KTN1: variants seen among roughly 807,000 people sequenced by gnomAD.
KTN1 encodes kinectin 1, also known as kinectin.
KTN1 carries 130 observed loss-of-function variants against 222.5 expected under a neutral mutation model. The ratio of observed to expected loss-of-function variants is 0.58; its 90% CI spans 0.51 to 0.68. The LOEUF is 0.68. KTN1 is among the 30% of genes least tolerant of loss of function. The probability of loss-of-function intolerance (pLI) is 0.00; values close to 1 mark genes in which losing one functional copy is unlikely to be tolerated. For missense variants in KTN1, 1,508 were observed against 1,500.4 expected (o/e 1.01, Z -0.08); for synonymous variants, 512 against 496.3 (o/e 1.03, Z -0.42).
intron 32 of KTN1, among the ~76,000 whole-genome samples, chr14:55,662,210 G>A (rs1331500336): frequency 1.3e-5 from 2 of 151,852 alleles, no homozygotes; most frequent in Non-Finnish European, 1.5e-5. Context: ...GGAACTACAG[G>A]CGTGCACCAC....
At chr14:55,669,350 A>T (rs2045222221) in intron 34 of KTN1, among the ~76,000 whole-genome samples, 1 of 152,102 alleles carries the variant, frequency 6.6e-6, no homozygotes, top group Non-Finnish European at 1.5e-5. Flanking sequence ...ACTTGTCAAA[A>T]GTTGAATATT....
intron 2 of KTN1, among the ~76,000 whole-genome samples, chr14:55,615,570 A>G (rs1594856463): frequency 7.7e-6 from 1 of 129,890 alleles, no homozygotes; most frequent in Non-Finnish European, 1.8e-5. Context: ...AAAATGCCAA[A>G]GAGTAGTCAA....
In KTN1 at chr14:55,671,865, G is replaced by T; in HGVS notation, c.3519G>T (p.Lys1173Asn). Residue 1173 changes from lysine to asparagine, a missense_variant, in exon 37 of 44, where the codon AAG (lysine) becomes AAT (asparagine). Physicochemically the swap from Lys to Asn is moderately conservative, Grantham distance 94. Coordinates refer to ENST00000395314, the MANE Select transcript of KTN1 (RefSeq NM_001079521.2). ...KWKVKVDESH[K>N]TIKQMQSSFT... Reference sequence around the variant, plus strand: ...AAGTTAAGGTCGATGAATCACACAAGACTATTAAACAGGTATTTACAAAAG... The same window carrying T: ...AAGTTAAGGTCGATGAATCACACAATACTATTAAACAGGTATTTACAAAAG... The T allele has an allele frequency of 6.3e-7, 1 of 1,581,006 alleles. No individual in the cohort carries two copies. The highest frequency in any genetic ancestry group is 1.1e-5 in the South Asian group (1 of 90,354).
intron 41 of KTN1, 112 bp from the exon 42 acceptor site, chr14:55,678,240 G>C: frequency 4.6e-6 from 3 of 649,438 alleles, no homozygotes; most frequent in South Asian, 4.4e-5. Flanking sequence ...GGAAAAACCT[G>C]TGTCGTCTTT....
chr14:55,584,522 A>G (rs576392884), intron 1 of KTN1, among the ~76,000 whole-genome samples: 1 of 152,332 alleles, frequency 6.6e-6, no homozygotes, highest in Admixed American at 6.5e-5. Flanking sequence ...AGATACATGC[A>G]TGGCTTGTTG....
At chr14:55,594,498 G>GTTT (rs748582537) in intron 1 of KTN1, among the ~76,000 whole-genome samples, 5 of 113,886 alleles carry the variant, frequency 4.4e-5, no homozygotes, top group Non-Finnish European at 5.6e-5. Context: ...GCAGAGTAGA[G>GTTT]TTTTTTTTTT....
intron 21 of KTN1, among the ~76,000 whole-genome samples, chr14:55,649,533 A>C (rs911555285): frequency 1.3e-5 from 2 of 152,216 alleles, no homozygotes; most frequent in African/African-American, 4.8e-5. Context: ...TTGATTAAAT[A>C]ATTTTAACAT....
In KTN1 at chr14:55,612,166, A is replaced by C; in HGVS notation, c.118A>C (p.Lys40Gln). The stretch of plus-strand genomic sequence containing the variant: ...AACATTATATGATGAAGTTCTTGCA[A>C]AACAGAAAAGAGAACAAAAGCTTAT... Reference protein sequence around the residue: ...KETLYDEVLAKQKREQKLIPT... With the variant: ...KETLYDEVLAQQKREQKLIPT... The change falls in exon 2 of 44, where the codon AAA becomes CAA. Residue 40 changes from lysine to glutamine, a missense_variant. Transcript: ENST00000395314. 6.3e-7 allele frequency: 1 copy of C among 1,584,386 alleles called. No homozygotes were observed. Among genetic ancestry groups the C allele is most frequent in the Non-Finnish European group, 8.5e-7 (1 of 1,172,200 alleles).
intron 1 of KTN1, among the ~76,000 whole-genome samples, chr14:55,605,692 G>A (rs539801184): frequency 1.3e-5 from 2 of 152,224 alleles, no homozygotes; most frequent in Non-Finnish European, 2.9e-5. Flanking sequence ...CCATTTTACT[G>A]CCTCATTATA....
intron 2 of KTN1, among the ~76,000 whole-genome samples, chr14:55,614,838 A>C (rs908046108): frequency 6.6e-6 from 1 of 152,298 alleles, no homozygotes; most frequent in East Asian, 1.9e-4. Flanking sequence ...GGTTGGTAGC[A>C]CTAAAATAGG....
intron 35 of KTN1, among the ~76,000 whole-genome samples, chr14:55,671,088 G>A (rs1222297629): frequency 6.6e-6 from 1 of 151,992 alleles, no homozygotes; most frequent in Non-Finnish European, 1.5e-5. Flanking sequence ...TTTTAGCCTA[G>A]GTTTAAAAAG....
intron 42 of KTN1, chr14:55,679,154 CT>C (rs2046148221): frequency 6.1e-6 from 1 of 165,234 alleles, no homozygotes; most frequent in South Asian, 1.8e-4. Context: ...ACATAAAACA[CT>C]TAAAATAGTA....
rs757904033 is a variant in KTN1, at chr14:55,675,890, G to A, written c.3827G>A (p.Arg1276Lys). The stretch of plus-strand genomic sequence containing the variant: ...AAACTTAGAACTGAACAAAATGAAA[G>A]ACAGAAGGTAGCTGGTGATTTGCAT... ...LTKLRTEQNE[R>K]QKVAGDLHKA... The change falls in exon 41 of 44, where the codon AGA becomes AAA. Residue 1276 changes from arginine to lysine, a missense_variant. Transcript: ENST00000395314. The A allele has an allele frequency of 1.2e-6, 2 of 1,613,302 alleles. No individual in the cohort carries two copies. The highest frequency in any genetic ancestry group is 1.3e-5 in the African/African-American group (1 of 74,918).
At chr14:55,637,129 A>G (rs2041220953) in intron 10 of KTN1, 69 bp from the exon 11 acceptor site, 1 of 1,161,586 alleles carries the variant, frequency 8.6e-7, no homozygotes, top group Admixed American at 2.3e-5. Flanking sequence ...GAGAATGCCT[A>G]CACGAAAGAT....
At chr14:55,658,895 A>G (rs1244247563) in intron 30 of KTN1, among the ~76,000 whole-genome samples, 1 of 152,186 alleles carries the variant, frequency 6.6e-6, no homozygotes, top group Non-Finnish European at 1.5e-5. Flanking sequence ...GTCAGTTTAA[A>G]TACTGTAGAG....
Position 55,620,184 on chromosome 14 carries a change from T to C in KTN1, c.963+872T>C, listed in dbSNP as rs2038949744. Among the ~76,000 whole-genome samples, 5 of 152,316 alleles carry C rather than the reference T, an allele frequency of 3.3e-5. No individual in the cohort carries two copies. In the South Asian group the frequency reaches 1.0e-3, roughly 32 times the overall value. The stretch of plus-strand genomic sequence containing the variant: ...TGTCTCACATCCACGTCATGCTGTT[T>C]CAAGAGGTGGATTCCCATGGTCTTG... On this transcript the variant is annotated intron_variant, in intron 5 of 43. Transcript: ENST00000395314.
At chr14:55,586,562 G>T (rs1216585233) in intron 1 of KTN1, among the ~76,000 whole-genome samples, 1 of 152,100 alleles carries the variant, frequency 6.6e-6, no homozygotes, top group African/African-American at 2.4e-5. Flanking sequence ...TTCTGACTTA[G>T]AGCCCATTCT....
intron 35 of KTN1, among the ~76,000 whole-genome samples, chr14:55,671,071 A>T: frequency 6.6e-6 from 1 of 152,252 alleles, no homozygotes; most frequent in South Asian, 2.1e-4. Flanking sequence ...TTTATCCCTT[A>T]CTATCTTTTT....
intron 37 of KTN1, 144 bp from the exon 38 acceptor site, chr14:55,672,486 T>C (rs1263174644): frequency 1.8e-6 from 1 of 561,528 alleles, no homozygotes; most frequent in Admixed American, 3.5e-5. Flanking sequence ...GACTCATTTT[T>C]AAGGTCTTTT....
Sources: allele counts gnomAD v4.1 joint callset (sites outside exome capture counted in the v4.1 genomes callset), GRCh38; gene constraint gnomAD v4.1.1; transcripts MANE v1.5; gene names NCBI Gene and HGNC (gene_info 2026-07-23, HGNC 2026-07-21).